FLACC1: variants seen among roughly 807,000 people sequenced by gnomAD.
FLACC1 encodes flagellum-associated coiled-coil domain-containing protein 1.
A neutral mutation model predicts 62.8 loss-of-function variants in FLACC1; 66 were observed. The ratio of observed to expected loss-of-function variants is 1.05; its 90% confidence interval spans 0.86 to 1.29. The LOEUF (loss-of-function observed/expected upper bound fraction) is 1.29. FLACC1 is among the 50% of genes most tolerant of loss of function. The pLI is 0.00. For missense variants in FLACC1, 452 were observed against 489.1 expected, an observed-to-expected ratio of 0.92 and a Z score of 0.71; for synonymous variants, 156 against 161.0, an observed-to-expected ratio of 0.97 and a Z score of 0.24.
At chr2:201,312,589 C>T (rs1222346831) in intron 9 of FLACC1, among the ~76,000 whole-genome samples, 1 of 152,038 alleles carries the variant, frequency 6.6e-6, no homozygotes, top group Non-Finnish European at 1.5e-5. Context: ...TCATATGGAA[C>T]CAAAAAAGAG....
intron 7 of FLACC1, among the ~76,000 whole-genome samples, chr2:201,333,749 G>A (rs1433520260): frequency 6.6e-6 from 1 of 151,998 alleles, no homozygotes; most frequent in Non-Finnish European, 1.5e-5. Context: ...ATTTTTTATG[G>A]CTGCATAGTA....
chr2:201,312,251 G>A (rs1950230158), intron 9 of FLACC1, among the ~76,000 whole-genome samples: 1 of 152,160 alleles, frequency 6.6e-6, no homozygotes, highest in East Asian at 1.9e-4. Flanking sequence ...CAAAATCAAT[G>A]TACAAAAAAT....
At chr2:201,360,496 C>T (rs925076066), upstream of FLACC1, among the ~76,000 whole-genome samples, 4 of 152,150 alleles carry the variant, frequency 2.6e-5, no homozygotes, top group African/African-American at 9.7e-5. Context: ...TGAGAACACT[C>T]CCAGTGTGGA....
chr2:201,307,533 T>C lies in FLACC1; in HGVS notation c.865A>G (p.Ile289Val), dbSNP rs199908248. ...ESCSAVFENF[I>V]QEKEELLKQH... is the part of the protein sequence containing the mutation. ...GGCTGAGTTACCTCCTTCTCTTGAATGAAGTTCTCAAAGACAGCACTGCAG... is the reference window on the plus strand; with the variant it reads ...GGCTGAGTTACCTCCTTCTCTTGAACGAAGTTCTCAAAGACAGCACTGCAG... Residue 289 changes from isoleucine (I) to valine (V), a missense_variant, in exon 11 of 15, where the codon ATT becomes GTT. By Grantham distance (29) the Ile-to-Val change is conservative. Coordinates refer to ENST00000392257, the MANE Select transcript of FLACC1 (RefSeq NM_001127391.3). The C allele has an allele frequency of 1.3e-4, 217 of 1,614,044 alleles. 1 individual carries two copies. The highest frequency in any genetic ancestry group is 3.3e-4 in the Middle Eastern group (2 of 6,062).
chr2:201,360,699 A>G (rs73988750), upstream of FLACC1, among the ~76,000 whole-genome samples: 9,508 of 152,236 alleles, frequency 0.062, 614 homozygotes, highest in East Asian at 0.25. Flanking sequence ...TTGCACCTAG[A>G]AAGAGGGGCC....
chr2:201,289,944 A>G lies in FLACC1; in HGVS notation c.943-159T>C, dbSNP rs575056562. 1.3e-4 allele frequency: 172 copies of G among 1,298,776 alleles called. 3 individuals are homozygous for G. In the South Asian group the frequency reaches 2.2e-3, roughly 17 times the overall value. 80.5% of individuals were successfully genotyped at this position (1,298,776 alleles called of 1,614,324 possible). A position where few individuals can be genotyped will look rare whatever the true frequency, so the allele number is the denominator to read the frequency against. ...GTCAGTCCTGCCTCCTCTCTGTCTC[A>G]CCCATCTATATCCTTCTCTTCAGCC... On this transcript the variant is annotated intron_variant, in intron 12 of 14. Transcript: ENST00000392257.
At chr2:201,290,737 A>G (rs1330459017) in intron 12 of FLACC1, among the ~76,000 whole-genome samples, 1 of 152,202 alleles carries the variant, frequency 6.6e-6, no homozygotes, top group Non-Finnish European at 1.5e-5. Flanking sequence ...GAGGCATCAC[A>G]TCATCCGGGA....
At chr2:201,345,477 TG>T in intron 5 of FLACC1, among the ~76,000 whole-genome samples, 1 of 151,064 alleles carries the variant, frequency 6.6e-6, no homozygotes, top group Non-Finnish European at 1.5e-5. Context: ...TGTGTGTGTG[TG>T]TGTGTGTATG....
At chr2:201,325,073 G>T (rs1196194124) in intron 9 of FLACC1, among the ~76,000 whole-genome samples, 1 of 152,174 alleles carries the variant, frequency 6.6e-6, no homozygotes, top group Non-Finnish European at 1.5e-5. Flanking sequence ...GGCAGAGCTT[G>T]CAGTGAGCCA....
Position 201,330,487 on chromosome 2 carries a change from T to G in FLACC1, c.658A>C (p.Met220Leu), listed in dbSNP as rs746298523. The G allele has an allele frequency of 6.2e-7, 1 of 1,613,784 alleles. No individual in the cohort carries two copies. Among genetic ancestry groups the G allele is most frequent in the Non-Finnish European group, 8.5e-7 (1 of 1,179,928 alleles). Reference sequence around the variant, plus strand: ...TATCTCACCTGATACGTACGAAACATATTCTTCAAATACTTGTATTCTTTT... The same window carrying G: ...TATCTCACCTGATACGTACGAAACAGATTCTTCAAATACTTGTATTCTTTT... The part of the protein sequence containing the change: ...MGKEYKYLKN[M>L]FRTYQDSIYD... Residue 220 changes from methionine (M) to leucine (L), a missense_variant, in exon 9 of 15, where the codon ATG (methionine) becomes CTG (leucine). This residue lies in a region of FLACC1 where 301 missense variants were observed against 318.4 expected (regional missense o/e 0.95). Transcript: ENST00000392257.
intron 9 of FLACC1, among the ~76,000 whole-genome samples, chr2:201,321,092 A>G (rs1950395266): frequency 6.6e-6 from 1 of 152,222 alleles, no homozygotes; most frequent in Admixed American, 6.5e-5. Context: ...GAGAAAGCCA[A>G]CACACTAAGG....
chr2:201,301,548 A>C (rs1479224898), intron 11 of FLACC1, among the ~76,000 whole-genome samples: 1 of 152,214 alleles, frequency 6.6e-6, no homozygotes, highest in Non-Finnish European at 1.5e-5. Flanking sequence ...CTAGCAAGGC[A>C]GGCCAACATT....
chr2:201,344,898 T>A lies in FLACC1; in HGVS notation c.369-635A>T, dbSNP rs980323668. On this transcript the variant is annotated intron_variant, in intron 5 of 14. Transcript: ENST00000392257. The stretch of plus-strand genomic sequence containing the variant: ...CTTTGACCTCTTTGGCCAACCACTT[T>A]GCATGTCTAACTGAGCACAGAGAGA... Among the ~76,000 whole-genome samples the A allele has an allele frequency of 1.3e-5, 2 of 152,190 alleles. 1 individual carries two copies. The highest frequency in any genetic ancestry group is 1.3e-4 in the Admixed American group (2 of 15,284).
intron 1 of FLACC1, 29 bp downstream of exon 1, chr2:201,356,953 A>G (rs1340301206): frequency 1.8e-4 from 28 of 152,228 alleles, no homozygotes; most frequent in Admixed American, 1.8e-3. Flanking sequence ...AGAAAAAATA[A>G]TATAAAACAT....
At chr2:201,357,931 TA>T (rs1002955034), upstream of FLACC1, among the ~76,000 whole-genome samples, 8 of 152,278 alleles carry the variant, frequency 5.3e-5, no homozygotes, top group African/African-American at 1.9e-4. Flanking sequence ...AATTTTGTAA[TA>T]AAAAAATTTC....
At chr2:201,292,641 C>T (rs1266526204) in intron 12 of FLACC1, among the ~76,000 whole-genome samples, 1 of 152,164 alleles carries the variant, frequency 6.6e-6, no homozygotes, top group East Asian at 1.9e-4. Flanking sequence ...AACCAGCTAA[C>T]ATCAGAATGA....
chr2:201,296,551 T>C (rs1008517208), intron 12 of FLACC1, among the ~76,000 whole-genome samples: 3 of 149,176 alleles, frequency 2.0e-5, no homozygotes, highest in African/African-American at 4.9e-5. Flanking sequence ...TTAGGAGATA[T>C]ACCTAATGTT....
intron 9 of FLACC1, among the ~76,000 whole-genome samples, chr2:201,317,845 A>G (rs1228566739): frequency 6.6e-6 from 1 of 152,198 alleles, no homozygotes; most frequent in Non-Finnish European, 1.5e-5. Context: ...ATTTCAAACT[A>G]TATTATATGG....
At chr2:201,302,232 T>G (rs56365779) in intron 11 of FLACC1, among the ~76,000 whole-genome samples, 10,073 of 151,662 alleles carry the variant, frequency 0.066, 422 homozygotes, top group Non-Finnish European at 0.093. Flanking sequence ...AAGGATGGAG[T>G]AAGATCTAAC....
Sources: allele counts gnomAD v4.1 joint callset (sites outside exome capture counted in the v4.1 genomes callset), GRCh38; gene constraint gnomAD v4.1.1; regional missense constraint gnomAD v4.1.1; transcripts MANE v1.5; gene names NCBI Gene and HGNC (gene_info 2026-07-23, HGNC 2026-07-21).